AOAH: variants seen among roughly 807,000 people sequenced by gnomAD.
AOAH encodes acyloxyacyl hydrolase (neutrophil).
In AOAH, 64 loss-of-function variants were observed where a neutral mutation model predicts 92.2. The ratio of observed to expected loss-of-function variants is 0.69; its 90% confidence interval spans 0.57 to 0.86. The LOEUF is 0.86. Among genes scored for constraint, AOAH ranks in the 40% least tolerant of loss-of-function variants. The pLI is 0.00. For synonymous variants in AOAH, 263 were observed against 254.5 expected (o/e 1.03, Z -0.32); for missense variants, 656 against 694.6 (o/e 0.94, Z 0.62).
intron 13 of AOAH, 144 bp downstream of exon 13, chr7:36,576,430 C>A (rs1386786675): frequency 3.7e-6 from 2 of 533,566 alleles, no homozygotes; most frequent in East Asian, 6.3e-5. Context: ...GCCCTTCTTT[C>A]AGAAAGGGCA....
chr7:36,637,307 G>T (rs537008886), intron 5 of AOAH, among the ~76,000 whole-genome samples: 1 of 152,276 alleles, frequency 6.6e-6, no homozygotes, highest in African/African-American at 2.4e-5. Context: ...GACACTGGAG[G>T]ACGCTATTAT....
chr7:36,540,728 T>C (rs1245296946), intron 15 of AOAH, among the ~76,000 whole-genome samples: 1 of 152,214 alleles, frequency 6.6e-6, no homozygotes, highest in African/African-American at 2.4e-5. Flanking sequence ...CAATGAGTGG[T>C]GAGCTGAAGT....
chr7:36,575,514 A>T (rs1324525795), intron 13 of AOAH, among the ~76,000 whole-genome samples: 1 of 152,032 alleles, frequency 6.6e-6, no homozygotes, highest in Non-Finnish European at 1.5e-5. Context: ...CTCCCTCAAC[A>T]CTCCCTAGAG....
intron 1 of AOAH, among the ~76,000 whole-genome samples, chr7:36,692,421 A>G (rs1797460031): frequency 6.6e-6 from 1 of 151,738 alleles, no homozygotes; most frequent in South Asian, 2.1e-4. Context: ...AGTAGATTAG[A>G]CTCTGTGGCC....
Position 36,576,608 on chromosome 7 carries a change from A to G in AOAH, c.987T>C (p.Cys329=), listed in dbSNP as rs1479103376. The change falls in exon 13 of 21, where the codon TGT becomes TGC. Residue 329 remains cysteine (C), a synonymous_variant. Transcript: ENST00000617537. ...IYLRLWKRNH[C]NHRDYQNISR... is the part of the protein sequence containing the mutation. Reference sequence around the variant, plus strand: ...AAATATTCTGGTAGTCCCTGTGATTACAGTGGTTTCTTTTCCATAAGCGAA... The same window carrying G: ...AAATATTCTGGTAGTCCCTGTGATTGCAGTGGTTTCTTTTCCATAAGCGAA... The G allele has an allele frequency of 6.3e-7, 1 of 1,584,154 alleles. No homozygotes were observed. The highest frequency in any genetic ancestry group is 1.4e-5 in the African/African-American group (1 of 73,802).
intron 1 of AOAH, among the ~76,000 whole-genome samples, chr7:36,716,399 G>T (rs77656023): frequency 0.57 from 85,002 of 147,846 alleles, 25,820 homozygotes; most frequent in East Asian, 0.91. Flanking sequence ...TTTAACCATT[G>T]TGGAAATCAG....
At chr7:36,637,617 A>C (rs114094327) in intron 5 of AOAH, among the ~76,000 whole-genome samples, 258 of 152,014 alleles carry the variant, frequency 1.7e-3, no homozygotes, top group African/African-American at 6.1e-3. Context: ...CTGCACAACA[A>C]AGGATTATTC....
rs149835371 is a variant in AOAH, at chr7:36,577,663, G to A, written c.939-1007C>T. Among the ~76,000 whole-genome samples, 518 of 151,626 alleles carry A rather than the reference G, an allele frequency of 3.4e-3. 2 individuals are homozygous for A. The highest frequency in any genetic ancestry group is 6.0e-3 in the East Asian group (31 of 5,154). ...CATCTTTGATTTTTCATTTTCTTTC[G>A]CTTAATATAGATGTAAGTAGTTTAA... On this transcript the variant is annotated intron_variant, in intron 12 of 20. Coordinates refer to ENST00000617537, the MANE Select transcript of AOAH (RefSeq NM_001637.4).
chr7:36,642,227 T>C (rs1349724000), intron 4 of AOAH, among the ~76,000 whole-genome samples: 2 of 152,038 alleles, frequency 1.3e-5, no homozygotes, highest in South Asian at 2.1e-4. Context: ...ACCAACCTAA[T>C]AGTTAAGCTG....
chr7:36,721,071 A>T (rs1799602527), intron 1 of AOAH, among the ~76,000 whole-genome samples: 1 of 152,106 alleles, frequency 6.6e-6, no homozygotes, highest in African/African-American at 2.4e-5. Flanking sequence ...TCCAGCAGGT[A>T]CACCCCAGGA....
intron 12 of AOAH, among the ~76,000 whole-genome samples, chr7:36,590,619 A>G (rs191838094): frequency 5.9e-5 from 9 of 152,360 alleles, no homozygotes; most frequent in Admixed American, 4.6e-4. Flanking sequence ...ATGCTTTCAC[A>G]AGGCACATTT....
At chr7:36,696,959 T>A (rs1797756084) in intron 1 of AOAH, among the ~76,000 whole-genome samples, 1 of 152,208 alleles carries the variant, frequency 6.6e-6, no homozygotes, top group Non-Finnish European at 1.5e-5. Flanking sequence ...ACCTTAGGAT[T>A]TTTCTATATT....
intron 4 of AOAH, among the ~76,000 whole-genome samples, chr7:36,656,230 C>T (rs554240918): frequency 2.6e-5 from 4 of 152,088 alleles, no homozygotes; most frequent in Non-Finnish European, 5.9e-5. Flanking sequence ...GCTGTTCACC[C>T]AACACGGGAT....
intron 11 of AOAH, among the ~76,000 whole-genome samples, chr7:36,611,324 T>A (rs887628631): frequency 1.3e-5 from 2 of 152,232 alleles, no homozygotes; most frequent in Non-Finnish European, 1.5e-5. Flanking sequence ...TGAACTGTTA[T>A]GCCTGATTTG....
At chr7:36,518,803 C>T (rs958457176) in intron 20 of AOAH, among the ~76,000 whole-genome samples, 6 of 152,156 alleles carry the variant, frequency 3.9e-5, no homozygotes, top group East Asian at 1.9e-4. Context: ...TCTTGTAATA[C>T]AGCATGATGC....
intron 13 of AOAH, among the ~76,000 whole-genome samples, chr7:36,569,777 ATTTTT>A (rs1224147402): frequency 6.6e-6 from 1 of 151,674 alleles, no homozygotes; most frequent in Non-Finnish European, 1.5e-5. Context: ...TGCCTGGCTA[ATTTTT>A]TTTATTTTTT....
intron 4 of AOAH, 40 bp downstream of exon 4, chr7:36,659,126 T>C (rs1195227634): frequency 6.6e-7 from 1 of 1,522,782 alleles, no homozygotes; most frequent in Admixed American, 1.7e-5. Context: ...AAGCCTTGCA[T>C]GTCCCTGGAA....
At chr7:36,532,906 C>T (rs1006849519) in intron 16 of AOAH, among the ~76,000 whole-genome samples, 3 of 152,082 alleles carry the variant, frequency 2.0e-5, no homozygotes, top group Non-Finnish European at 2.9e-5. Flanking sequence ...GAAAGCCATA[C>T]GAAATACTTG....
intron 5 of AOAH, among the ~76,000 whole-genome samples, chr7:36,636,532 T>C (rs913395178): frequency 1.3e-5 from 2 of 152,218 alleles, no homozygotes; most frequent in Non-Finnish European, 1.5e-5. Context: ...GAGTTTCCTG[T>C]GGTCTTTTAA....
Sources: gnomAD v4.1 joint callset for allele counts (sites outside exome capture counted in the v4.1 genomes callset) on GRCh38, gnomAD v4.1.1 for gene constraint, MANE v1.5 for transcripts, NCBI Gene and HGNC (gene_info 2026-07-23, HGNC 2026-07-21) for gene names.